The following MMP16 variants were observed in gnomAD, a reference collection of about 807,000 sequenced individuals.
MMP16 encodes matrix metalloproteinase-16.
A neutral mutation model predicts 67.8 loss-of-function variants in MMP16; 12 were observed. That is an observed-to-expected ratio of 0.18 (90% CI 0.11 to 0.29). The LOEUF is 0.29. Ranked by LOEUF, MMP16 falls within the 10% of genes least tolerant of loss-of-function variation. The pLI, the probability that MMP16 is intolerant of heterozygous loss-of-function variation, is 1.00. For synonymous variants in MMP16, 249 were observed against 255.9 expected, an observed-to-expected ratio of 0.97 and a Z score of 0.26; for missense variants, 475 against 765.7, an observed-to-expected ratio of 0.62 and a Z score of 4.48.
intron 1 of MMP16, among the ~76,000 whole-genome samples, chr8:88,232,135 T>C (rs1809869381): frequency 6.6e-6 from 1 of 152,288 alleles, no homozygotes; most frequent in Non-Finnish European, 1.5e-5. Context: ...TATGGGCAAG[T>C]AAAGAAGTGG....
chr8:88,258,403 C>G (rs908944196), intron 1 of MMP16, among the ~76,000 whole-genome samples: 6 of 152,134 alleles, frequency 3.9e-5, no homozygotes, highest in African/African-American at 1.4e-4. Flanking sequence ...AGTGAGTCGG[C>G]TGTAAGGCAT....
In MMP16 at chr8:88,244,089, A is replaced by T. The variant is rs577354987; in HGVS notation, c.133-46783T>A. 2.0e-5 allele frequency among the ~76,000 whole-genome samples: 3 copies of T among 152,218 alleles called. No individual in the cohort carries two copies. In the East Asian group the frequency reaches 5.8e-4, roughly 29 times the overall value. On this transcript the variant is annotated intron_variant, in intron 1 of 9. Transcript: ENST00000286614. Reference sequence around the variant, plus strand: ...GTAAAGAACCTTTAGAATTAAGCTGACGTGTTTCCTTTGTTCAGGGCAACA... The same window carrying T: ...GTAAAGAACCTTTAGAATTAAGCTGTCGTGTTTCCTTTGTTCAGGGCAACA...
intron 1 of MMP16, among the ~76,000 whole-genome samples, chr8:88,222,479 T>C (rs1036645412): frequency 2.0e-5 from 3 of 152,158 alleles, no homozygotes; most frequent in Non-Finnish European, 2.9e-5. Context: ...AGCAGCATGG[T>C]ACTGGTACCA....
At chr8:88,256,983 C>T (rs1022443378) in intron 1 of MMP16, among the ~76,000 whole-genome samples, 1 of 152,154 alleles carries the variant, frequency 6.6e-6, no homozygotes, top group Non-Finnish European at 1.5e-5. Context: ...CCTCAGTAAG[C>T]ATGACCCCTG....
At chr8:88,189,984 C>T (rs1339155687) in intron 2 of MMP16, among the ~76,000 whole-genome samples, 1 of 152,158 alleles carries the variant, frequency 6.6e-6, no homozygotes. Flanking sequence ...TTTGCATATA[C>T]TGATCATTTC....
At chr8:88,269,646 C>A (rs990980536) in intron 1 of MMP16, among the ~76,000 whole-genome samples, 2 of 152,142 alleles carry the variant, frequency 1.3e-5, no homozygotes, top group African/African-American at 4.8e-5. Context: ...TAGTCACTGT[C>A]CTAATCACTC....
intron 9 of MMP16, among the ~76,000 whole-genome samples, chr8:88,045,010 T>C (rs750159601): frequency 1.1e-4 from 16 of 152,220 alleles, no homozygotes; most frequent in Admixed American, 3.9e-4. Context: ...AGAGTTATGT[T>C]TTAATCTTAG....
intron 4 of MMP16, among the ~76,000 whole-genome samples, chr8:88,140,352 A>G (rs1808192375): frequency 6.6e-6 from 1 of 152,152 alleles, no homozygotes; most frequent in Non-Finnish European, 1.5e-5. Context: ...GTTAGAAACT[A>G]TATCCTTTTT....
intron 1 of MMP16, among the ~76,000 whole-genome samples, chr8:88,218,849 A>G (rs1338778182): frequency 6.6e-6 from 1 of 152,054 alleles, no homozygotes; most frequent in African/African-American, 2.4e-5. Context: ...AAAAGACCCA[A>G]TGGTAGTTCA....
intron 1 of MMP16, among the ~76,000 whole-genome samples, chr8:88,287,300 T>C (rs1810847639): frequency 6.6e-6 from 1 of 152,212 alleles, no homozygotes; most frequent in Admixed American, 6.5e-5. Flanking sequence ...ATTCCTTCTG[T>C]ATGTTATTCT....
At chr8:88,075,800 C>A (rs113992582) in intron 6 of MMP16, among the ~76,000 whole-genome samples, 2 of 151,942 alleles carry the variant, frequency 1.3e-5, no homozygotes, top group African/African-American at 4.8e-5. Context: ...CATTTTAATT[C>A]TCTGCTTTCT....
At chr8:88,141,255 T>A (rs1355686380) in intron 4 of MMP16, among the ~76,000 whole-genome samples, 1 of 152,204 alleles carries the variant, frequency 6.6e-6, no homozygotes, top group Non-Finnish European at 1.5e-5. Context: ...AGTAGAGTAG[T>A]CTAATAGGCA....
At chr8:88,306,779 G>C (rs947360750) in intron 1 of MMP16, among the ~76,000 whole-genome samples, 1 of 151,890 alleles carries the variant, frequency 6.6e-6, no homozygotes, top group African/African-American at 2.4e-5. Context: ...GAAATACACT[G>C]TAAAATAATA....
In MMP16 at chr8:88,035,741, CA is replaced by C. The variant is rs1199333863; in HGVS notation, c.*5719del. 6.6e-6 allele frequency: 1 copy of C among 151,950 alleles called. No homozygotes were observed. Among genetic ancestry groups the C allele is most frequent in the African/African-American group, 2.4e-5 (1 of 41,408 alleles). 9.4% of individuals were successfully genotyped at this position (151,950 alleles called of 1,614,324 possible). On this transcript the variant is annotated 3_prime_UTR_variant, in exon 10 of 10. Transcript: ENST00000286614. This position sits in a 1 kb window ranked among gnomAD's most constrained non-coding sequence, Gnocchi z 4.7. ...CTGCTATGTACTTCTGTATTCTACT[CA>C]AACATTGACAGGAATTTTACAATAT...
rs1808094539 is a variant in MMP16, at chr8:88,039,085, A to G, written c.*2376T>C. On this transcript the variant is annotated 3_prime_UTR_variant, in exon 10 of 10. Transcript: ENST00000286614. The surrounding 1 kb of genome is among the most constrained non-coding windows in gnomAD (Gnocchi z 4.5). ...TTCATGCTACGTTGAGTATAAATAT[A>G]AATTCAAGGCAGCCAAACTATCCAT... 6.6e-6 allele frequency: 1 copy of G among 152,508 alleles called. No individual in the cohort carries two copies. Among genetic ancestry groups the G allele is most frequent in the African/African-American group, 2.4e-5 (1 of 41,414 alleles). The allele number at this position is 152,508 out of a possible 1,614,324, so 9.4% of individuals were successfully genotyped here.
intron 1 of MMP16, among the ~76,000 whole-genome samples, chr8:88,310,568 G>A (rs1191767109): frequency 6.6e-6 from 1 of 152,036 alleles, no homozygotes; most frequent in Non-Finnish European, 1.5e-5. Context: ...ATTTTTCAGT[G>A]CATATCTAAG....
rs1017253572 is a variant in MMP16, at chr8:88,046,893, G to C, written c.1374-109C>G. The stretch of plus-strand genomic sequence containing the variant: ...TTTATTAGACCTTTGCTGTGTGCTT[G>C]ACTTTGTTACCTGTGCACCTGTTAA... On this transcript the variant is annotated intron_variant, in intron 8 of 9. Transcript: ENST00000286614. The C allele has an allele frequency of 1.1e-5, 7 of 624,244 alleles. No individual in the cohort carries two copies. The East Asian group carries it at 1.9e-4, about 17-fold the overall frequency. 38.7% of individuals were successfully genotyped at this position (624,244 alleles called of 1,614,324 possible). A position where few individuals can be genotyped will look rare whatever the true frequency, so the allele number is the denominator to read the frequency against.
intron 6 of MMP16, among the ~76,000 whole-genome samples, chr8:88,097,042 T>C (rs964211769): frequency 2.6e-5 from 4 of 151,928 alleles, no homozygotes; most frequent in African/African-American, 9.7e-5. Flanking sequence ...GTTCTACCTC[T>C]GCACATGCAC....
At chr8:88,060,117 A>G (rs554653646) in intron 7 of MMP16, among the ~76,000 whole-genome samples, 10 of 152,220 alleles carry the variant, frequency 6.6e-5, no homozygotes, top group Admixed American at 2.6e-4. Context: ...CATAAGCTCA[A>G]TTAACCTTAC....
Sources: allele counts gnomAD v4.1 joint callset (sites outside exome capture counted in the v4.1 genomes callset), GRCh38; gene constraint gnomAD v4.1.1; non-coding constraint Gnocchi (gnomAD v3.1); transcripts MANE v1.5; gene names NCBI Gene and HGNC (gene_info 2026-07-23, HGNC 2026-07-21).